Variants in BTBD9 observed in about 807,000 individuals in gnomAD.
BTBD9 encodes BTB domain containing 9, also known as BTB/POZ domain-containing protein 9.
BTBD9 carries 49 observed loss-of-function variants against 64.3 expected under a neutral mutation model. The observed-to-expected ratio is 0.76, with a 90% CI of 0.61 to 0.97. BTBD9 has a LOEUF of 0.97. Among genes scored for constraint, BTBD9 ranks in the 50% least tolerant of loss-of-function variants. The pLI is 0.00. For synonymous variants in BTBD9, 260 were observed against 274.7 expected (o/e 0.95, Z 0.53); for missense variants, 598 against 762.1 (o/e 0.78, Z 2.53).
intron 6 of BTBD9, among the ~76,000 whole-genome samples, chr6:38,379,837 T>C (rs921307999): frequency 3.3e-5 from 5 of 152,082 alleles, no homozygotes; most frequent in African/African-American, 9.7e-5. Context: ...ATTGGGAGGA[T>C]AGGGAAGGAA....
chr6:38,567,457 T>C (rs1775573420), intron 6 of BTBD9, among the ~76,000 whole-genome samples: 1 of 152,170 alleles, frequency 6.6e-6, no homozygotes. Context: ...TTACAGCTCT[T>C]AAATGAGGTC....
At chr6:38,478,270 G>A (rs1453120676) in intron 6 of BTBD9, among the ~76,000 whole-genome samples, 4 of 152,166 alleles carry the variant, frequency 2.6e-5, no homozygotes, top group African/African-American at 9.7e-5. Context: ...GGGCTCTCAT[G>A]AGCTTTGCCA....
At chr6:38,178,985 T>G (rs1761416824) in intron 10 of BTBD9, among the ~76,000 whole-genome samples, 2 of 152,232 alleles carry the variant, frequency 1.3e-5, no homozygotes, top group African/African-American at 4.8e-5. Context: ...CCTAAGTAGC[T>G]GAGACTACAG....
intron 4 of BTBD9, among the ~76,000 whole-genome samples, chr6:38,588,971 G>A (rs1193815934): frequency 6.6e-6 from 1 of 152,012 alleles, no homozygotes; most frequent in East Asian, 1.9e-4. Context: ...ATCTTTTCAG[G>A]GTCTGACAGG....
chr6:38,572,778 A>C (rs2127467801), intron 6 of BTBD9, among the ~76,000 whole-genome samples: 1 of 151,054 alleles, frequency 6.6e-6, no homozygotes, highest in South Asian at 2.1e-4. Flanking sequence ...AAAAAAAAAC[A>C]AGTAGTGGAA....
intron 6 of BTBD9, among the ~76,000 whole-genome samples, chr6:38,434,233 C>A (rs1018027637): frequency 6.6e-6 from 1 of 151,954 alleles, no homozygotes; most frequent in Non-Finnish European, 1.5e-5. Flanking sequence ...TTTCTCCCAA[C>A]CCTGAAGAGA....
chr6:38,175,370 T>C (rs1761182737), intron 10 of BTBD9, among the ~76,000 whole-genome samples, 188 bp from the exon 11 acceptor site: 1 of 152,130 alleles, frequency 6.6e-6, no homozygotes, highest in Non-Finnish European at 1.5e-5. Context: ...GTAAACACAT[T>C]TTGATCAGTC....
At chr6:38,382,271 C>T (rs1011270829) in intron 6 of BTBD9, among the ~76,000 whole-genome samples, 1 of 152,108 alleles carries the variant, frequency 6.6e-6, no homozygotes, top group African/African-American at 2.4e-5. Context: ...CAATAAGAAC[C>T]TTAATCTCAA....
intron 9 of BTBD9, among the ~76,000 whole-genome samples, chr6:38,219,851 C>G (rs1167740404): frequency 6.6e-6 from 1 of 152,160 alleles, no homozygotes; most frequent in African/African-American, 2.4e-5. Context: ...ATTTGGCTAT[C>G]TCTGCCATCT....
intron 6 of BTBD9, among the ~76,000 whole-genome samples, chr6:38,355,261 C>T (rs556358379): frequency 6.6e-6 from 1 of 152,186 alleles, no homozygotes; most frequent in African/African-American, 2.4e-5. Flanking sequence ...TCAAACCTAA[C>T]AGTCTACCCA....
At chr6:38,569,836 T>C (rs1167279880) in intron 6 of BTBD9, among the ~76,000 whole-genome samples, 1 of 151,684 alleles carries the variant, frequency 6.6e-6, no homozygotes, top group African/African-American at 2.4e-5. Flanking sequence ...AAAAGGGTTC[T>C]AGATGAAAAT....
At chr6:38,408,647 C>G (rs1183614705) in intron 6 of BTBD9, among the ~76,000 whole-genome samples, 1 of 152,116 alleles carries the variant, frequency 6.6e-6, no homozygotes, top group East Asian at 1.9e-4. Context: ...ACTGAACATA[C>G]AAACTATAAA....
intron 6 of BTBD9, among the ~76,000 whole-genome samples, chr6:38,546,585 A>G (rs1169521522): frequency 1.3e-5 from 2 of 152,250 alleles, no homozygotes; most frequent in African/African-American, 4.8e-5. Context: ...TGCTTGCTTC[A>G]TAACTCTGTC....
intron 7 of BTBD9, among the ~76,000 whole-genome samples, chr6:38,290,567 G>A (rs557031605): frequency 5.9e-4 from 89 of 152,124 alleles, no homozygotes; most frequent in African/African-American, 2.0e-3. Flanking sequence ...ATTCAGTGAC[G>A]ATCAGCCAGG....
At chr6:38,377,109 TA>T (rs762297246) in intron 6 of BTBD9, among the ~76,000 whole-genome samples, 84 of 152,356 alleles carry the variant, frequency 5.5e-4, no homozygotes, top group Admixed American at 1.6e-3. Context: ...ATAACCATCT[TA>T]TTCTGTTCAG....
At chr6:38,463,429 G>A (rs1032327635) in intron 6 of BTBD9, among the ~76,000 whole-genome samples, 1 of 152,242 alleles carries the variant, frequency 6.6e-6, no homozygotes, top group Non-Finnish European at 1.5e-5. Flanking sequence ...TGGAAGACAT[G>A]AAAGTGGATA....
At chr6:38,511,493 C>A (rs1036830038) in intron 6 of BTBD9, among the ~76,000 whole-genome samples, 1 of 151,960 alleles carries the variant, frequency 6.6e-6, no homozygotes, top group African/African-American at 2.4e-5. Flanking sequence ...CAGGCGCCTG[C>A]CACCACGCCT....
intron 9 of BTBD9, among the ~76,000 whole-genome samples, chr6:38,215,332 T>C (rs1045361302): frequency 6.6e-6 from 1 of 152,146 alleles, no homozygotes; most frequent in Non-Finnish European, 1.5e-5. Context: ...GATCTGAACA[T>C]AAAAAGCCCT....
In BTBD9 at chr6:38,275,890, A is replaced by G. The variant is rs572323133; in HGVS notation, c.1454+12382T>C. On this transcript the variant is annotated intron_variant, in intron 8 of 10. Coordinates refer to ENST00000481247, the MANE Select transcript of BTBD9 (RefSeq NM_001099272.2). The stretch of plus-strand genomic sequence containing the variant: ...TGTGGAGAAATAGGAACACTTTTAC[A>G]CTGTTGGTGGGACTGTAAACTAGTT... 2.4e-3 allele frequency among the ~76,000 whole-genome samples: 361 copies of G among 151,982 alleles called. 3 individuals are homozygous for G. The highest frequency in any genetic ancestry group is 7.1e-3 in the African/African-American group (295 of 41,498).
Sources: gnomAD v4.1 joint callset for allele counts (sites outside exome capture counted in the v4.1 genomes callset) on GRCh38, gnomAD v4.1.1 for gene constraint, MANE v1.5 for transcripts, NCBI Gene and HGNC (gene_info 2026-07-23, HGNC 2026-07-21) for gene names.